SEMA3C: variants seen among roughly 807,000 people sequenced by gnomAD.
SEMA3C encodes the protein semaphorin 3C.
Under a neutral mutation model 89.4 loss-of-function variants are expected in SEMA3C, and 47 were observed. The observed-to-expected ratio is 0.53, with a 90% CI of 0.42 to 0.67. SEMA3C has a LOEUF of 0.67. Among genes scored for constraint, SEMA3C ranks in the 30% least tolerant of loss-of-function variants. SEMA3C has a pLI of 0.00. For missense variants in SEMA3C, 839 were observed against 929.1 expected, an observed-to-expected ratio of 0.90 and a Z score of 1.26; for synonymous variants, 310 against 320.2, an observed-to-expected ratio of 0.97 and a Z score of 0.34.
At chr7:80,820,098 C>T (rs930493838) in intron 4 of SEMA3C, among the ~76,000 whole-genome samples, 2 of 142,576 alleles carry the variant, frequency 1.4e-5, no homozygotes, top group African/African-American at 5.2e-5. Context: ...TGCTCTGTTG[C>T]CCAGGCTGGT....
chr7:80,844,286 C>A (rs538916393), intron 2 of SEMA3C, among the ~76,000 whole-genome samples: 15 of 152,262 alleles, frequency 9.9e-5, no homozygotes, highest in Admixed American at 3.9e-4. Context: ...GTTCTCCCAG[C>A]AAAACCTATC....
chr7:80,811,665 G>C (rs1306584709), intron 5 of SEMA3C, among the ~76,000 whole-genome samples: 1 of 152,064 alleles, frequency 6.6e-6, no homozygotes, highest in African/African-American at 2.4e-5. Context: ...TAATATTTTT[G>C]AGTGTGGAAA....
intron 11 of SEMA3C, among the ~76,000 whole-genome samples, chr7:80,795,569 A>C (rs1789043000): frequency 6.6e-6 from 1 of 152,222 alleles, no homozygotes; most frequent in South Asian, 2.1e-4. Flanking sequence ...GAGCTAAAAA[A>C]CAGTGAAAAG....
Position 80,748,848 on chromosome 7 carries a change from A to G in SEMA3C, c.1842+50T>C, listed in dbSNP as rs762186310. The G allele has an allele frequency of 1.6e-5, 25 of 1,528,814 alleles. No individual in the cohort carries two copies. The Middle Eastern group carries it at 7.1e-4, about 43-fold the overall frequency. 94.7% of individuals were successfully genotyped at this position (1,528,814 alleles called of 1,614,324 possible). On this transcript the variant is annotated intron_variant, in intron 17 of 17. Transcript: ENST00000265361. ...GAGCCTCGCTGAGGGACAGTGATTT[A>G]ATGTTCTCTCTGAAGCCCTGATGGA...
chr7:80,906,032 T>TG, intron 2 of SEMA3C: 1 of 452,868 alleles, frequency 2.2e-6, no homozygotes, highest in Non-Finnish European at 3.9e-6. Flanking sequence ...GAGAGACAGA[T>TG]GGACATAACA....
chr7:80,752,333 C>G (rs1787954234), intron 15 of SEMA3C, among the ~76,000 whole-genome samples: 1 of 152,008 alleles, frequency 6.6e-6, no homozygotes, highest in Admixed American at 6.6e-5. Flanking sequence ...TACATTGGGC[C>G]AGGTGCGGTG....
At chr7:80,865,721 G>C (rs1001125089) in intron 2 of SEMA3C, among the ~76,000 whole-genome samples, 1 of 152,146 alleles carries the variant, frequency 6.6e-6, no homozygotes, top group Admixed American at 6.5e-5. Flanking sequence ...CTTGAACCCG[G>C]GAGGGGGGGT....
chr7:80,853,260 T>G (rs1790559510), intron 2 of SEMA3C, among the ~76,000 whole-genome samples: 1 of 152,138 alleles, frequency 6.6e-6, no homozygotes, highest in South Asian at 2.1e-4. Context: ...GCAATCCCAT[T>G]GCTGGGTACA....
intron 2 of SEMA3C, among the ~76,000 whole-genome samples, chr7:80,912,965 T>C (rs1340253117): frequency 6.6e-6 from 1 of 152,224 alleles, no homozygotes; most frequent in East Asian, 1.9e-4. Flanking sequence ...GGGATTCTTT[T>C]ATTTGTTGAG....
intron 4 of SEMA3C, among the ~76,000 whole-genome samples, chr7:80,826,652 T>C (rs1789879507): frequency 1.3e-5 from 2 of 152,152 alleles, no homozygotes; most frequent in Admixed American, 1.3e-4. Context: ...CCAAACTATT[T>C]TTGAAAGACA....
chr7:80,859,356 C>G (rs950178511), intron 2 of SEMA3C, among the ~76,000 whole-genome samples: 3 of 152,042 alleles, frequency 2.0e-5, no homozygotes, highest in Admixed American at 6.5e-5. Context: ...TTTTGTTATG[C>G]CTGTCTTACA....
At chr7:80,898,453 C>T (rs1791793562) in intron 2 of SEMA3C, among the ~76,000 whole-genome samples, 1 of 151,886 alleles carries the variant, frequency 6.6e-6, no homozygotes, top group Non-Finnish European at 1.5e-5. Context: ...CACTGAATTC[C>T]ATATATAATA....
chr7:80,814,613 A>C (rs539960158), intron 5 of SEMA3C, among the ~76,000 whole-genome samples: 7 of 152,156 alleles, frequency 4.6e-5, no homozygotes, highest in African/African-American at 1.7e-4. Flanking sequence ...TGATATCACT[A>C]ATTGGATCTT....
At chr7:80,879,445 G>A (rs1192935393) in intron 2 of SEMA3C, among the ~76,000 whole-genome samples, 2 of 152,182 alleles carry the variant, frequency 1.3e-5, no homozygotes, top group Admixed American at 6.5e-5. Flanking sequence ...AGATGTGGGT[G>A]TAGTAAGGTT....
intron 14 of SEMA3C, 22 bp from the exon 15 acceptor site, chr7:80,758,510 T>C (rs758573012): frequency 1.2e-6 from 2 of 1,611,012 alleles, no homozygotes; most frequent in Non-Finnish European, 8.5e-7. Context: ...ATGATGATGA[T>C]TTATTTCAGA....
intron 2 of SEMA3C, among the ~76,000 whole-genome samples, chr7:80,874,709 C>A (rs1791157882): frequency 6.6e-6 from 1 of 151,982 alleles, no homozygotes; most frequent in Admixed American, 6.6e-5. Flanking sequence ...CTCAGTTAAT[C>A]CACCCACCTC....
Position 80,818,425 on chromosome 7 carries a change from G to C in SEMA3C, c.328-7C>G, listed in dbSNP as rs1226399884. ...CAAAGTTCCCACAGCCGTGCTAAAAGAATCAGTAAATAAGCAGTTAGTAAC... is the reference window on the plus strand; with the variant it reads ...CAAAGTTCCCACAGCCGTGCTAAAACAATCAGTAAATAAGCAGTTAGTAAC... On this transcript the variant is annotated splice_region_variant and splice_polypyrimidine_tract_variant and intron_variant, in intron 4 of 17. Coordinates refer to ENST00000265361, the MANE Select transcript of SEMA3C (RefSeq NM_006379.5). 9 of 1,611,104 alleles carry C rather than the reference G, an allele frequency of 5.6e-6. No individual in the cohort carries two copies. Among genetic ancestry groups the C allele is most frequent in the Non-Finnish European group, 7.6e-6 (9 of 1,177,810 alleles).
chr7:80,825,839 A>T (rs189202281), intron 4 of SEMA3C, among the ~76,000 whole-genome samples: 87 of 152,320 alleles, frequency 5.7e-4, no homozygotes, highest in African/African-American at 2.1e-3. Context: ...TATTAAAATA[A>T]TAAGGAACAA....
At chr7:80,774,247 G>T (rs1788497161) in intron 12 of SEMA3C, among the ~76,000 whole-genome samples, 2 of 152,216 alleles carry the variant, frequency 1.3e-5, no homozygotes, top group Admixed American at 1.3e-4. Context: ...TTCAGAGGAA[G>T]AAAACAGAAC....
Sources: gnomAD v4.1 joint callset for allele counts (sites outside exome capture counted in the v4.1 genomes callset) on GRCh38, gnomAD v4.1.1 for gene constraint, MANE v1.5 for transcripts, NCBI Gene and HGNC (gene_info 2026-07-23, HGNC 2026-07-21) for gene names.